The following MGLL variants were observed in gnomAD, a reference collection of about 807,000 sequenced individuals.
MGLL encodes monoglyceride lipase, also known as lysophospholipase homolog.
Under a neutral mutation model 29.1 loss-of-function variants are expected in MGLL, and 7 were observed. The ratio of observed to expected loss-of-function variants is 0.24; its 90% CI spans 0.14 to 0.45. MGLL has a LOEUF of 0.45. MGLL is among the 20% of genes least tolerant of loss of function. MGLL has a pLI of 0.99. For missense variants in MGLL, 356 were observed against 413.6 expected, an observed-to-expected ratio of 0.86 and a Z score of 1.21; for synonymous variants, 148 against 168.3, an observed-to-expected ratio of 0.88 and a Z score of 0.93.
At chr3:127,743,318 A>C (rs966774197) in intron 3 of MGLL, among the ~76,000 whole-genome samples, 8 of 152,278 alleles carry the variant, frequency 5.3e-5, no homozygotes, top group African/African-American at 1.9e-4. Context: ...TCAGGCTGCA[A>C]CTTGAATATG....
chr3:127,722,734 T>C (rs1339547234), intron 3 of MGLL, among the ~76,000 whole-genome samples, 168 bp from the exon 4 acceptor site: 1 of 152,164 alleles, frequency 6.6e-6, no homozygotes, highest in African/African-American at 2.4e-5. Flanking sequence ...TCCCCACTTT[T>C]TATGGATTAG....
At position 127,748,391 on chromosome 3, in the gene MGLL, AGG is replaced by A. The variant is rs199684644; in HGVS notation, c.263-25827_263-25826del. ...GAGGTGGGAGAGGGAGGAGGGAGGG[AGG>A]GAGAGAGAGAGAGAAAGAGAGAGAG... On this transcript the variant is annotated intron_variant, in intron 3 of 7. Transcript: ENST00000265052. 4.6e-3 allele frequency among the ~76,000 whole-genome samples: 681 copies of A among 149,066 alleles called. 4 individuals carry two copies. The highest frequency in any genetic ancestry group is 0.016 in the African/African-American group (650 of 40,358).
In MGLL at chr3:127,755,946, G is replaced by C. The variant is rs1458047105; in HGVS notation, c.262+25843C>G. ...CAGACTGGCAATGTGCTTGGGCAGA[G>C]CACTCTACCTCCCAGCCTCCCTAGC... On this transcript the variant is annotated intron_variant, in intron 3 of 7. Coordinates refer to ENST00000265052, the MANE Select transcript of MGLL (RefSeq NM_007283.7). 2.0e-5 allele frequency among the ~76,000 whole-genome samples: 3 copies of C among 152,304 alleles called. No homozygotes were observed. In the East Asian group the frequency reaches 5.8e-4, roughly 29 times the overall value.
chr3:127,714,037 T>G (rs1294886117), intron 5 of MGLL: 4 of 150,066 alleles, frequency 2.7e-5, no homozygotes, highest in Non-Finnish European at 4.4e-5. Context: ...TCTTCCTCCA[T>G]GAACAGTGGA....
intron 2 of MGLL, among the ~76,000 whole-genome samples, chr3:127,783,252 G>T (rs2077159791): frequency 3.3e-5 from 5 of 151,882 alleles, no homozygotes; most frequent in Admixed American, 2.6e-4. Context: ...CTGGTCTCCA[G>T]GAAGCTGCTA....
At position 127,699,511 on chromosome 3, in the gene MGLL, G is replaced by A. The variant is rs2075437233; in HGVS notation, c.601-4321C>T. 2.0e-5 allele frequency among the ~76,000 whole-genome samples: 3 copies of A among 152,232 alleles called. No homozygotes were observed. The South Asian group carries it at 6.2e-4, about 32-fold the overall frequency. ...TTAATCTTCACAGGAACCCTGTGAT[G>A]TAGGAACTATTATTATTACCTTTTT... On this transcript the variant is annotated intron_variant, in intron 6 of 7. Transcript: ENST00000265052.
intron 3 of MGLL, among the ~76,000 whole-genome samples, chr3:127,740,340 C>G (rs2076316880): frequency 6.6e-6 from 1 of 152,188 alleles, no homozygotes; most frequent in African/African-American, 2.4e-5. Context: ...TCCCTGCCCC[C>G]ACCCCCTGGC....
chr3:127,810,771 C>T (rs1045735014), intron 2 of MGLL, among the ~76,000 whole-genome samples: 29 of 152,352 alleles, frequency 1.9e-4, no homozygotes, highest in African/African-American at 6.5e-4. Flanking sequence ...CCCTCCTTTG[C>T]TGTCCAGCAC....
chr3:127,772,733 T>C (rs1328265076), intron 3 of MGLL, among the ~76,000 whole-genome samples: 1 of 152,062 alleles, frequency 6.6e-6, no homozygotes, highest in Non-Finnish European at 1.5e-5. Flanking sequence ...CATGTTGAAA[T>C]CCCAACCCCA....
intron 5 of MGLL, among the ~76,000 whole-genome samples, chr3:127,714,654 G>A (rs1434645424): frequency 6.6e-6 from 1 of 152,178 alleles, no homozygotes; most frequent in Non-Finnish European, 1.5e-5. Flanking sequence ...ACTAAATCCC[G>A]AGGAATGCCA....
chr3:127,774,629 G>A (rs148926219), intron 3 of MGLL, among the ~76,000 whole-genome samples: 159 of 152,340 alleles, frequency 1.0e-3, no homozygotes, highest in African/African-American at 3.5e-3. Context: ...TTTCTTTGCA[G>A]GTGAGCTGGC....
chr3:127,726,004 G>A (rs755355827), intron 3 of MGLL, among the ~76,000 whole-genome samples: 26 of 151,456 alleles, frequency 1.7e-4, no homozygotes, highest in African/African-American at 2.2e-4. Context: ...GGTTGGGGCC[G>A]CAGTGAGCTG....
At chr3:127,788,001 G>A (rs1021114417) in intron 2 of MGLL, among the ~76,000 whole-genome samples, 1 of 152,144 alleles carries the variant, frequency 6.6e-6, no homozygotes, top group Non-Finnish European at 1.5e-5. Context: ...TCTCTGGCAG[G>A]GCTCCTGCAG....
At chr3:127,810,026 C>G (rs376968922) in intron 2 of MGLL, among the ~76,000 whole-genome samples, 14 of 152,298 alleles carry the variant, frequency 9.2e-5, no homozygotes, top group African/African-American at 3.4e-4. Context: ...AATTACCAAC[C>G]CACATGGCCC....
intron 2 of MGLL, among the ~76,000 whole-genome samples, chr3:127,816,380 G>A (rs1251891630): frequency 1.3e-5 from 2 of 152,180 alleles, no homozygotes; most frequent in Admixed American, 6.5e-5. Context: ...ACCTAAGGGC[G>A]GGGAAGGAAA....
intron 5 of MGLL, 118 bp downstream of exon 5, chr3:127,720,935 A>AAT (rs1380168168): frequency 1.2e-6 from 1 of 864,408 alleles, no homozygotes; most frequent in African/African-American, 1.7e-5. Flanking sequence ...CCCCTCACGC[A>AAT]ATAGTGTCTG....
At chr3:127,744,059 T>C (rs2076395941) in intron 3 of MGLL, among the ~76,000 whole-genome samples, 1 of 152,108 alleles carries the variant, frequency 6.6e-6, no homozygotes, top group Admixed American at 6.5e-5. Context: ...TGACAACAGC[T>C]TGAAAAAGGT....
At chr3:127,744,959 A>G (rs1455729895) in intron 3 of MGLL, among the ~76,000 whole-genome samples, 1 of 152,218 alleles carries the variant, frequency 6.6e-6, no homozygotes, top group Non-Finnish European at 1.5e-5. Flanking sequence ...CAGATGACAG[A>G]GACCATGTTT....
At chr3:127,743,458 T>A (rs1312519472) in intron 3 of MGLL, among the ~76,000 whole-genome samples, 1 of 149,056 alleles carries the variant, frequency 6.7e-6, no homozygotes, top group African/African-American at 2.5e-5. Context: ...ATAAGACCAA[T>A]GACAAATTAA....
Sources: allele counts gnomAD v4.1 joint callset (sites outside exome capture counted in the v4.1 genomes callset), GRCh38; gene constraint gnomAD v4.1.1; transcripts MANE v1.5; gene names NCBI Gene and HGNC (gene_info 2026-07-23, HGNC 2026-07-21).